Variants in MZT2B observed in about 807,000 individuals in gnomAD.
MZT2B encodes mitotic spindle organizing protein 2B, also known as mitotic-spindle organizing protein 2B.
Under a neutral mutation model 12.1 loss-of-function variants are expected in MZT2B, and 11 were observed. That is an observed-to-expected ratio of 0.91 (90% CI 0.57 to 1.50). MZT2B has a LOEUF of 1.50. Among genes scored for constraint, MZT2B ranks in the 40% most tolerant of loss-of-function variants. The pLI is 0.00. For missense variants in MZT2B, 209 were observed against 227.7 expected (o/e 0.92, Z 0.53); for synonymous variants, 85 against 109.5 (o/e 0.78, Z 1.40).
chr2:130,203,374 G>A, the MZT2B span, among the ~76,000 whole-genome samples: 3 of 152,158 alleles, frequency 2.0e-5, no homozygotes, highest in African/African-American at 7.2e-5. Flanking sequence ...CCCCATGTGG[G>A]AGCCGCCCTG....
chr2:130,183,949 T>C (rs967654872), intron 2 of MZT2B: 3 of 1,550,456 alleles, frequency 1.9e-6, no homozygotes, highest in African/African-American at 2.7e-5. Flanking sequence ...TCTTGCTGCC[T>C]GTTCTCTCCT....
chr2:130,193,484 C>G (rs1269544118), downstream of MZT2B, among the ~76,000 whole-genome samples: 1 of 151,704 alleles, frequency 6.6e-6, no homozygotes, highest in African/African-American at 2.4e-5. Flanking sequence ...TGGCAGGTAC[C>G]TGTAATCCCA....
chr2:130,181,800 ACT>A, upstream of MZT2B: 1 of 1,546,134 alleles, frequency 6.5e-7, no homozygotes, highest in African/African-American at 1.4e-5. Flanking sequence ...GCCCCAAGGT[ACT>A]TTCTCCCCAG....
chr2:130,181,704 G>A (rs1442506583), upstream of MZT2B: 9 of 1,548,480 alleles, frequency 5.8e-6, no homozygotes, highest in East Asian at 2.4e-5. Flanking sequence ...AAGGCCGGCC[G>A]GGCGGGGAAG....
chr2:130,191,171 C>T (rs1690248572), downstream of MZT2B, among the ~76,000 whole-genome samples: 1 of 152,060 alleles, frequency 6.6e-6, no homozygotes, highest in Non-Finnish European at 1.5e-5. Flanking sequence ...AGGTTGGTCT[C>T]GATCTCCCAC....
At chr2:130,198,443 C>T in the MZT2B span, 7 of 1,337,302 alleles carry the variant, frequency 5.2e-6, 2 homozygotes, top group East Asian at 1.9e-4. Flanking sequence ...CTGCAATGAC[C>T]TGCCCACGCG....
rs1408628574 is a variant in MZT2B at position 130,184,015 on chromosome 2, C to T, written c.319+1240C>T. ...GGGGGTTGGTGCTCTCCCTTGTTTC[C>T]ATGGAAACTGCCTGGCCCCAGGAGG... On this transcript the variant is annotated intron_variant, in intron 2 of 2. Coordinates refer to ENST00000281871, the MANE Select transcript of MZT2B (RefSeq NM_025029.5). The T allele has an allele frequency of 2.6e-6, 4 of 1,550,460 alleles. No homozygotes were observed. In the South Asian group the frequency reaches 3.6e-5, roughly 14 times the overall value.
Position 130,190,652 on chromosome 2 carries a change from T to C in MZT2B, c.*26T>C. The C allele has an allele frequency of 6.3e-7, 1 of 1,585,286 alleles. No individual in the cohort carries two copies. The highest frequency in any genetic ancestry group is 8.6e-7 in the Non-Finnish European group (1 of 1,158,938). On this transcript the variant is annotated 3_prime_UTR_variant, in exon 3 of 3. Transcript: ENST00000281871. ...GATGGGGCAGAGACTTGTTGCATCT[T>C]TGTCCCCAGCAAAGGCTACATGTTA...
rs1260064422 is a variant in MZT2B at position 130,190,563 on chromosome 2, C to T, written c.414C>T (p.Pro138=). 1.2e-6 allele frequency: 2 copies of T among 1,613,710 alleles called. No homozygotes were observed. The highest frequency in any genetic ancestry group is 2.2e-5 in the East Asian group (1 of 44,846). ...CCAGCCAGAGGATGCCACGCCAGCC[C>T]AGCGCTACCAGGCTGCCCAAGGGGG... ...EGSSQRMPRQ[P]SATRLPKGGG... The change falls in exon 3 of 3, where the codon CCC becomes CCT. Residue 138 remains proline, a synonymous_variant. Transcript: ENST00000281871.
At chr2:130,197,746 A>G in the MZT2B span, among the ~76,000 whole-genome samples, 1 of 122,874 alleles carries the variant, frequency 8.1e-6, no homozygotes, top group Non-Finnish European at 1.8e-5. Context: ...AGCTGGAACC[A>G]CAGACTCGCA....
intron 2 of MZT2B, among the ~76,000 whole-genome samples, chr2:130,190,201 A>G (rs1169142198): frequency 6.6e-6 from 1 of 152,042 alleles, no homozygotes; most frequent in Non-Finnish European, 1.5e-5. Context: ...GTCCTTTCAA[A>G]ATGTTCCCTT....
In MZT2B at chr2:130,183,902, G is replaced by A. The variant is rs550547313; in HGVS notation, c.319+1127G>A. The A allele has an allele frequency of 2.1e-4, 332 of 1,550,304 alleles. 2 individuals are homozygous for A. The highest frequency in any genetic ancestry group is 5.4e-4 in the East Asian group (22 of 40,918). On this transcript the variant is annotated intron_variant, in intron 2 of 2. Transcript: ENST00000281871. The stretch of plus-strand genomic sequence containing the variant: ...TCCACAGCCCGGCTGCCACACACTC[G>A]CCTCTCTCTCCAGGCCCCCCGGGTT...
At chr2:130,202,438 A>G in the MZT2B span, 2 of 1,286,196 alleles carry the variant, frequency 1.6e-6, no homozygotes, top group South Asian at 2.5e-5. Flanking sequence ...GACATGCACA[A>G]GGTAGGCAGT....
downstream of MZT2B, among the ~76,000 whole-genome samples, chr2:130,192,905 C>A (rs75918414): frequency 3.4e-3 from 524 of 152,176 alleles, 18 homozygotes; most frequent in East Asian, 0.086. Context: ...ACCAGCCTGG[C>A]CAACATGGCA....
chr2:130,204,691 C>CAA, the MZT2B span, among the ~76,000 whole-genome samples: 556 of 95,210 alleles, frequency 5.8e-3, no homozygotes, highest in African/African-American at 0.017. Flanking sequence ...AACTCTGTCT[C>CAA]AAAAAAAAAA....
chr2:130,189,655 G>A (rs1037633348), intron 2 of MZT2B, among the ~76,000 whole-genome samples: 2 of 152,232 alleles, frequency 1.3e-5, no homozygotes, highest in African/African-American at 4.8e-5. Context: ...GGTCCTCTCA[G>A]TCTTGCCGAT....
At chr2:130,195,462 G>A (rs898318892), downstream of MZT2B, among the ~76,000 whole-genome samples, 11 of 152,220 alleles carry the variant, frequency 7.2e-5, no homozygotes, top group African/African-American at 2.7e-4. Flanking sequence ...ATGTCAGCAC[G>A]ACCAGTTCCC....
downstream of MZT2B, chr2:130,190,828 C>A (rs1046689030): frequency 1.6e-5 from 19 of 1,200,576 alleles, no homozygotes; most frequent in African/African-American, 2.8e-4. Context: ...AGTGAACTAA[C>A]CAGGTCCCTT....
At chr2:130,197,258 G>A in the MZT2B span, among the ~76,000 whole-genome samples, 1 of 152,064 alleles carries the variant, frequency 6.6e-6, no homozygotes, top group Admixed American at 6.6e-5. Flanking sequence ...GGAAGGCTGA[G>A]GTGAGAGGAT....
Sources: gnomAD v4.1 joint callset for allele counts (sites outside exome capture counted in the v4.1 genomes callset) on GRCh38, gnomAD v4.1.1 for gene constraint, MANE v1.5 for transcripts, NCBI Gene and HGNC (gene_info 2026-07-23, HGNC 2026-07-21) for gene names.